Variants in IL31RA observed in about 807,000 individuals in gnomAD.
IL31RA encodes interleukin-31 receptor subunit alpha.
A neutral mutation model predicts 83.7 loss-of-function variants in IL31RA; 66 were observed. The ratio of observed to expected loss-of-function variants is 0.79; its 90% CI spans 0.65 to 0.97. The LOEUF (loss-of-function observed/expected upper bound fraction) is 0.97. Among genes scored for constraint, IL31RA ranks in the 50% least tolerant of loss-of-function variants. IL31RA has a pLI of 0.00. For synonymous variants in IL31RA, 325 were observed against 329.0 expected, an observed-to-expected ratio of 0.99 and a Z score of 0.13; for missense variants, 798 against 919.4, an observed-to-expected ratio of 0.87 and a Z score of 1.71.
upstream of IL31RA, among the ~76,000 whole-genome samples, chr5:55,847,251 ATAAAT>A (rs1744954961): frequency 7.8e-5 from 7 of 90,224 alleles, no homozygotes; most frequent in African/African-American, 2.3e-4. Flanking sequence ...ATAAAAATAA[ATAAAT>A]AAATAAATAA....
At chr5:55,894,539 T>A (rs1748214236) in intron 6 of IL31RA, among the ~76,000 whole-genome samples, 1 of 152,244 alleles carries the variant, frequency 6.6e-6, no homozygotes, top group Non-Finnish European at 1.5e-5. Context: ...TGCATTTATC[T>A]CATTGGGAGA....
rs1002537855 is a variant in IL31RA at position 55,858,040 on chromosome 5, G to GT, written c.64-1459dup. Among the ~76,000 whole-genome samples, 167 of 148,138 alleles carry GT rather than the reference G, an allele frequency of 1.1e-3. 4 individuals carry two copies. Among genetic ancestry groups the GT allele is most frequent in the Admixed American group, 9.0e-3 (133 of 14,784 alleles). ...TTAGTACTGCTGATTTTTTTCTAAG[G>GT]TTTTTTTTTTAAATTTCACAAATAA... On this transcript the variant is annotated intron_variant, in intron 1 of 14. Transcript: ENST00000652347.
intron 3 of IL31RA, among the ~76,000 whole-genome samples, chr5:55,869,603 A>G (rs1172935352): frequency 1.3e-5 from 2 of 152,064 alleles, no homozygotes; most frequent in Admixed American, 1.3e-4. Context: ...CCTCCCAAGT[A>G]GCTGGAATTA....
chr5:55,876,041 C>T (rs992975010), intron 4 of IL31RA, among the ~76,000 whole-genome samples: 3 of 152,052 alleles, frequency 2.0e-5, no homozygotes, highest in South Asian at 4.1e-4. Flanking sequence ...GTGGTTTTTG[C>T]CATTACTTTC....
intron 2 of IL31RA, 21 bp downstream of exon 2, chr5:55,859,620 T>C (rs369761501): frequency 3.4e-6 from 5 of 1,481,938 alleles, no homozygotes; most frequent in Non-Finnish European, 4.7e-6. Context: ...CTGGGCCCTT[T>C]TACAGATCAT....
chr5:55,905,428 G>A (rs1749087868), intron 8 of IL31RA, among the ~76,000 whole-genome samples: 1 of 152,096 alleles, frequency 6.6e-6, no homozygotes, highest in Non-Finnish European at 1.5e-5. Flanking sequence ...ATCTCTGTCT[G>A]ATTCTGATTA....
At chr5:55,902,567 G>C (rs911979218) in intron 8 of IL31RA, 1 of 152,066 alleles carries the variant, frequency 6.6e-6, no homozygotes, top group African/African-American at 2.4e-5. Context: ...AGCCAAAGAG[G>C]TTGAGGCTGC....
At chr5:55,914,111 T>A (rs1007186581) in intron 13 of IL31RA, among the ~76,000 whole-genome samples, 2 of 152,166 alleles carry the variant, frequency 1.3e-5, no homozygotes, top group Non-Finnish European at 2.9e-5. Context: ...GTCTTCAGGG[T>A]CTTAGACTTT....
chr5:55,894,478 A>T (rs1748211620), intron 6 of IL31RA, among the ~76,000 whole-genome samples: 1 of 152,216 alleles, frequency 6.6e-6, no homozygotes. Context: ...AGATGAAATA[A>T]TATGTAAAGT....
chr5:55,844,507 A>G, the IL31RA span, among the ~76,000 whole-genome samples: 26 of 152,268 alleles, frequency 1.7e-4, no homozygotes, highest in Non-Finnish European at 3.8e-4. Flanking sequence ...ATAACAATGT[A>G]TCTGATTAAT....
chr5:55,847,238 AAAAT>A (rs201165812), upstream of IL31RA, among the ~76,000 whole-genome samples: 29 of 15,484 alleles, frequency 1.9e-3, 1 homozygote, highest in Middle Eastern at 0.11. Flanking sequence ...AAAAAAAAAA[AAAAT>A]AAAAATAAAT....
chr5:55,847,285 A>AG (rs1238028004), upstream of IL31RA, among the ~76,000 whole-genome samples: 52 of 149,146 alleles, frequency 3.5e-4, no homozygotes, highest in African/African-American at 9.7e-4. Context: ...ATAAATAAAT[A>AG]AAAAGAAAAG....
At chr5:55,899,809 C>T (rs901711514) in intron 7 of IL31RA, 107 bp from the exon 8 acceptor site, 2 of 758,306 alleles carry the variant, frequency 2.6e-6, no homozygotes, top group Admixed American at 4.0e-5. Flanking sequence ...AGTTTAGTAT[C>T]TAATAGTTAG....
At chr5:55,882,955 C>A in intron 4 of IL31RA, 89 bp from the exon 5 acceptor site, 2 of 1,196,780 alleles carry the variant, frequency 1.7e-6, no homozygotes, top group Non-Finnish European at 2.5e-6. Flanking sequence ...CCACAATGCA[C>A]GTATCATTTT....
intron 7 of IL31RA, among the ~76,000 whole-genome samples, chr5:55,897,941 G>A (rs1268588146): frequency 6.6e-6 from 1 of 152,206 alleles, no homozygotes; most frequent in Non-Finnish European, 1.5e-5. Context: ...TGCTTTGCCA[G>A]ATGACATTCC....
chr5:55,883,750 A>G (rs1747411301), intron 5 of IL31RA, among the ~76,000 whole-genome samples: 2 of 152,118 alleles, frequency 1.3e-5, no homozygotes, highest in Admixed American at 6.5e-5. Flanking sequence ...ATTTTTTACC[A>G]TTTAAGGCTG....
chr5:55,916,513 C>T, intron 14 of IL31RA, 131 bp from the exon 15 acceptor site: 1 of 791,514 alleles, frequency 1.3e-6, no homozygotes, highest in Non-Finnish European at 2.2e-6. Context: ...TTGGCTACCA[C>T]TTCTGGGCCT....
At position 55,922,625 on chromosome 5, in the gene IL31RA, T is replaced by C; in HGVS notation, c.*5505T>C. On this transcript the variant is annotated 3_prime_UTR_variant, in exon 15 of 15. Transcript: ENST00000652347. Reference sequence around the variant, plus strand: ...ATGCATGTGCATGAGAAGTCTGTTATTAAGTAGAGTGTGAAAACATGGTTA... The same window carrying C: ...ATGCATGTGCATGAGAAGTCTGTTACTAAGTAGAGTGTGAAAACATGGTTA... 3.6e-6 allele frequency: 2 copies of C among 557,128 alleles called. No homozygotes were observed. Among genetic ancestry groups the C allele is most frequent in the South Asian group, 5.5e-5 (2 of 36,458 alleles). 34.5% of individuals were successfully genotyped at this position (557,128 alleles called of 1,614,324 possible).
At chr5:55,854,368 A>G (rs1237810877) in intron 1 of IL31RA, among the ~76,000 whole-genome samples, 4 of 152,226 alleles carry the variant, frequency 2.6e-5, no homozygotes, top group Non-Finnish European at 5.9e-5. Context: ...TTAGGCTGAA[A>G]TTGCCAAGAT....
Sources: gnomAD v4.1 joint callset for allele counts (sites outside exome capture counted in the v4.1 genomes callset) on GRCh38, gnomAD v4.1.1 for gene constraint, MANE v1.5 for transcripts, NCBI Gene and HGNC (gene_info 2026-07-23, HGNC 2026-07-21) for gene names.